Variants in HLCS observed in about 807,000 individuals in gnomAD.
HLCS encodes the protein biotin--protein ligase.
HLCS carries 53 observed loss-of-function variants against 75.0 expected under a neutral mutation model. That is an observed-to-expected ratio of 0.71 (90% CI 0.57 to 0.89). The LOEUF (loss-of-function observed/expected upper bound fraction) is 0.89, where lower values mean the gene tolerates loss of function less well. HLCS is among the 40% of genes least tolerant of loss of function. HLCS has a pLI of 0.00. For missense variants in HLCS, 966 were observed against 1,074.0 expected (o/e 0.90, Z 1.41); for synonymous variants, 431 against 428.6 (o/e 1.01, Z -0.07).
At chr21:36,787,117 G>A (rs1236405395) in intron 6 of HLCS, among the ~76,000 whole-genome samples, 2 of 152,202 alleles carry the variant, frequency 1.3e-5, no homozygotes, top group Admixed American at 1.3e-4. Context: ...CACTGAACAC[G>A]TCGCAAGAGC....
intron 8 of HLCS, among the ~76,000 whole-genome samples, chr21:36,760,646 G>T (rs1167744301): frequency 1.3e-5 from 2 of 152,098 alleles, no homozygotes; most frequent in African/African-American, 4.8e-5. Context: ...AAGATGCAGA[G>T]GAGAAATTCA....
At chr21:36,910,088 C>A (rs1220906875) in intron 5 of HLCS, among the ~76,000 whole-genome samples, 1 of 152,194 alleles carries the variant, frequency 6.6e-6, no homozygotes, top group Non-Finnish European at 1.5e-5. Context: ...TTCAAGGAAG[C>A]AGAAGCAAAT....
chr21:36,892,095 CTA>C (rs2064810134), intron 6 of HLCS, among the ~76,000 whole-genome samples: 1 of 152,180 alleles, frequency 6.6e-6, no homozygotes, highest in Non-Finnish European at 1.5e-5. Context: ...AGCAAACAGA[CTA>C]GAGGGCTACT....
At chr21:36,879,017 T>A (rs4817824) in intron 6 of HLCS, among the ~76,000 whole-genome samples, 152,324 of 152,324 alleles carry the variant, frequency 1, 76,162 homozygotes, top group Non-Finnish European at 1. Context: ...AGGTTTTAGT[T>A]AAGACCGAAT....
At chr21:36,823,613 GT>G (rs767071770) in intron 6 of HLCS, among the ~76,000 whole-genome samples, 7,677 of 138,976 alleles carry the variant, frequency 0.055, 279 homozygotes, top group East Asian at 0.17. Context: ...CGTGCAGGGT[GT>G]GTGTGTGTGT....
chr21:36,870,528 C>A (rs2063733668), intron 6 of HLCS, among the ~76,000 whole-genome samples: 1 of 152,110 alleles, frequency 6.6e-6, no homozygotes, highest in African/African-American at 2.4e-5. Flanking sequence ...TATATTTCTA[C>A]CTATGTCATC....
rs145121991 is a variant in HLCS, at chr21:36,892,180, T to C, written c.1892+4680A>G. On this transcript the variant is annotated intron_variant, in intron 6 of 10. Transcript: ENST00000674895. Reference sequence around the variant, plus strand: ...ATAAAAAGCTGTGACTATTCAGTCCTCAAAACAACACCCAGACCCCAAATC... The same window carrying C: ...ATAAAAAGCTGTGACTATTCAGTCCCCAAAACAACACCCAGACCCCAAATC... Among the ~76,000 whole-genome samples, 611 of 152,274 alleles carry C rather than the reference T, an allele frequency of 4.0e-3. 5 individuals are homozygous for C. Among genetic ancestry groups the C allele is most frequent in the African/African-American group, 0.014 (588 of 41,548 alleles).
At chr21:36,972,162 T>A (rs1186802194) in intron 1 of HLCS, 1 of 152,174 alleles carries the variant, frequency 6.6e-6, no homozygotes, top group South Asian at 2.1e-4. Flanking sequence ...TACAAGATTT[T>A]ATTCATTCCA....
At chr21:36,759,218 T>C (rs2089729231) in intron 9 of HLCS, 2 of 470,950 alleles carry the variant, frequency 4.2e-6, no homozygotes, top group Non-Finnish European at 8.8e-6. Flanking sequence ...CTTCTGAGAT[T>C]GCCTCTGAAT....
chr21:36,966,444 C>CCCGGGGG lies in HLCS; in HGVS notation c.194_195insCCCCCGG (p.Gln65HisfsTer6). The CCCGGGGG allele has an allele frequency of 1.0e-6, 1 of 975,074 alleles. No homozygotes were observed. The highest frequency in any genetic ancestry group is 1.2e-6 in the Non-Finnish European group (1 of 821,284). The allele number at this position is 975,074 out of a possible 1,614,324, so 60.4% of individuals were successfully genotyped here. On this transcript the variant is annotated frameshift_variant and splice_region_variant, in exon 1 of 11. Coordinates refer to ENST00000674895, the MANE Select transcript of HLCS (RefSeq NM_001352514.2). LOFTEE classifies it high-confidence loss of function. ...TCGCCCGCCCGCCCGACCCGCCCAC[C>CCCGGGGG]TGGCTGTCGCTGACGCAGAAGACGC...
chr21:36,974,232 G>A (rs1456394011), intron 1 of HLCS: 1 of 152,300 alleles, frequency 6.6e-6, no homozygotes, highest in Non-Finnish European at 1.5e-5. Flanking sequence ...GGGGAAGAAG[G>A]CGGAAAAATA....
At chr21:36,881,343 C>T (rs971875462) in intron 6 of HLCS, among the ~76,000 whole-genome samples, 5 of 152,160 alleles carry the variant, frequency 3.3e-5, no homozygotes, top group African/African-American at 1.2e-4. Context: ...GGATCATCAC[C>T]CCCACTCCCA....
At chr21:36,895,821 C>T (rs1179729566) in intron 6 of HLCS, among the ~76,000 whole-genome samples, 1 of 152,114 alleles carries the variant, frequency 6.6e-6, no homozygotes, top group African/African-American at 2.4e-5. Context: ...ATATTTCACG[C>T]CTTAAATTTT....
At chr21:36,929,331 C>T (rs56408051) in intron 5 of HLCS, among the ~76,000 whole-genome samples, 6,323 of 152,292 alleles carry the variant, frequency 0.042, 285 homozygotes, top group African/African-American at 0.12. Context: ...CAGGAAAAGG[C>T]GACAGAGAAG....
At chr21:36,908,817 G>A (rs994736612) in intron 5 of HLCS, among the ~76,000 whole-genome samples, 8 of 152,178 alleles carry the variant, frequency 5.3e-5, no homozygotes, top group African/African-American at 1.9e-4. Flanking sequence ...TTCAGAAAAG[G>A]CCAATCTAAT....
chr21:36,954,371 T>C (rs2146620157), intron 2 of HLCS, among the ~76,000 whole-genome samples: 1 of 151,472 alleles, frequency 6.6e-6, no homozygotes, highest in East Asian at 1.9e-4. Flanking sequence ...TCTCAGCACT[T>C]TGGGAGGCTG....
intron 1 of HLCS, chr21:36,975,075 G>C (rs11702480): frequency 2.6e-5 from 4 of 151,504 alleles, no homozygotes; most frequent in African/African-American, 9.7e-5. Context: ...CTCTGGCGCC[G>C]CAATCATCTC....
chr21:36,836,058 C>T (rs139331090), intron 6 of HLCS, among the ~76,000 whole-genome samples: 10 of 152,222 alleles, frequency 6.6e-5, no homozygotes, highest in East Asian at 5.8e-4. Context: ...CCCAGTGCCA[C>T]GTCCGAACCT....
chr21:36,881,075 A>G (rs1216531306), intron 6 of HLCS, among the ~76,000 whole-genome samples: 1 of 151,816 alleles, frequency 6.6e-6, no homozygotes, highest in Non-Finnish European at 1.5e-5. Flanking sequence ...GATTCAAGCA[A>G]TCTCCTGCCT....
Sources: allele counts gnomAD v4.1 joint callset (sites outside exome capture counted in the v4.1 genomes callset), GRCh38; gene constraint gnomAD v4.1.1; transcripts MANE v1.5; gene names NCBI Gene and HGNC (gene_info 2026-07-23, HGNC 2026-07-21).